Variants in TTC28 observed in about 807,000 individuals in gnomAD.
TTC28 encodes the protein tetratricopeptide repeat protein 28.
TTC28 carries 61 observed loss-of-function variants against 198.0 expected under a neutral mutation model. That is an observed-to-expected ratio of 0.31 (90% CI 0.25 to 0.38). The LOEUF (loss-of-function observed/expected upper bound fraction) is 0.38. Ranked by LOEUF, TTC28 falls within the 10% of genes least tolerant of loss-of-function variation. The probability of loss-of-function intolerance (pLI) is 1.00; values close to 1 mark genes in which losing one functional copy is unlikely to be tolerated. For synonymous variants in TTC28, 1,171 were observed against 1,297.8 expected (o/e 0.90, Z 2.10); for missense variants, 2,678 against 3,164.0 (o/e 0.85, Z 3.69).
rs532254894 is a variant in TTC28, at chr22:28,540,916, A to G, written c.381+88636T>C. 5.3e-5 allele frequency among the ~76,000 whole-genome samples: 8 copies of G among 152,338 alleles called. No individual in the cohort carries two copies. The South Asian group carries it at 1.7e-3, about 32-fold the overall frequency. On this transcript the variant is annotated intron_variant, in intron 2 of 22. Coordinates refer to ENST00000397906, the MANE Select transcript of TTC28 (RefSeq NM_001145418.2). ...TTTCCAGATCCAGTCTTCACTCTTT[A>G]TATCAAATGGAATCATCTCACTCCT...
intron 16 of TTC28, chr22:27,997,468 T>C (rs1937572805): frequency 6.6e-6 from 1 of 152,242 alleles, no homozygotes; most frequent in African/African-American, 2.4e-5. Flanking sequence ...CCCCTGCAGC[T>C]GTGTTGACAG....
intron 2 of TTC28, among the ~76,000 whole-genome samples, chr22:28,570,624 T>C (rs1364598726): frequency 6.6e-6 from 1 of 152,114 alleles, no homozygotes; most frequent in Non-Finnish European, 1.5e-5. Flanking sequence ...GGTGATGAAA[T>C]AATCTGTAAA....
intron 2 of TTC28, among the ~76,000 whole-genome samples, chr22:28,604,865 G>A (rs935969127): frequency 9.9e-5 from 15 of 152,076 alleles, no homozygotes; most frequent in South Asian, 2.1e-4. Flanking sequence ...CCCACAAAGC[G>A]CCTATCTACA....
chr22:28,541,738 TAAG>T (rs2145933310), intron 2 of TTC28, among the ~76,000 whole-genome samples: 1 of 151,500 alleles, frequency 6.6e-6, no homozygotes, highest in African/African-American at 2.4e-5. Flanking sequence ...AAAGAAGACA[TAAG>T]AAAGAATGAA....
intron 6 of TTC28, among the ~76,000 whole-genome samples, chr22:28,127,106 T>C (rs1208210069): frequency 1.3e-5 from 2 of 152,182 alleles, no homozygotes; most frequent in Non-Finnish European, 2.9e-5. Flanking sequence ...GACATAACTA[T>C]AACCATTGCA....
intron 5 of TTC28, among the ~76,000 whole-genome samples, chr22:28,282,041 G>A (rs992659080): frequency 6.6e-6 from 1 of 151,950 alleles, no homozygotes; most frequent in East Asian, 1.9e-4. Context: ...TGAGGACTGG[G>A]GCCTACACTC....
intron 2 of TTC28, among the ~76,000 whole-genome samples, chr22:28,461,578 G>A (rs538206245): frequency 2.5e-4 from 38 of 152,006 alleles, no homozygotes; most frequent in Non-Finnish European, 4.4e-4. Context: ...CTGGGATTAC[G>A]GACACCTACC....
intron 5 of TTC28, among the ~76,000 whole-genome samples, chr22:28,210,624 A>T (rs1463586535): frequency 2.6e-5 from 4 of 152,136 alleles, no homozygotes; most frequent in Non-Finnish European, 5.9e-5. Context: ...AGCCTCCAAG[A>T]AATATGGGAC....
chr22:28,002,259 A>C (rs533465531), intron 14 of TTC28: 1 of 152,686 alleles, frequency 6.5e-6, no homozygotes, highest in East Asian at 1.9e-4. Flanking sequence ...AGCAGCAGGC[A>C]ACAATCCTGG....
intron 2 of TTC28, among the ~76,000 whole-genome samples, chr22:28,591,762 A>G (rs532202762): frequency 9.9e-5 from 15 of 152,150 alleles, no homozygotes; most frequent in Non-Finnish European, 2.2e-4. Context: ...ACTACAAACA[A>G]TATGACTCAA....
intron 3 of TTC28, among the ~76,000 whole-genome samples, chr22:28,304,148 G>T (rs1359415706): frequency 1.3e-5 from 2 of 152,084 alleles, no homozygotes; most frequent in Non-Finnish European, 2.9e-5. Flanking sequence ...AGCCAGACGT[G>T]GTGGCGGGCG....
At chr22:28,133,471 C>T (rs1227454301) in intron 6 of TTC28, among the ~76,000 whole-genome samples, 2 of 152,266 alleles carry the variant, frequency 1.3e-5, no homozygotes, top group South Asian at 2.1e-4. Flanking sequence ...CCAAGGGAAG[C>T]TGAGACAGAC....
intron 6 of TTC28, among the ~76,000 whole-genome samples, chr22:28,152,876 AC>A (rs1943643111): frequency 6.6e-6 from 1 of 152,334 alleles, no homozygotes; most frequent in African/African-American, 2.4e-5. Context: ...AATGTAAAAA[AC>A]ATTAAAGAGA....
intron 6 of TTC28, among the ~76,000 whole-genome samples, chr22:28,123,342 G>A (rs989291783): frequency 3.3e-5 from 5 of 151,852 alleles, no homozygotes; most frequent in Non-Finnish European, 5.9e-5. Flanking sequence ...TGCAACCTCC[G>A]CCTCCCGGGT....
At chr22:28,391,234 T>C (rs1371597797) in intron 2 of TTC28, among the ~76,000 whole-genome samples, 1 of 152,244 alleles carries the variant, frequency 6.6e-6, no homozygotes, top group African/African-American at 2.4e-5. Context: ...TGGGCTTCCC[T>C]TTGTGGGTAA....
chr22:28,207,748 G>A (rs1926550731), intron 5 of TTC28, among the ~76,000 whole-genome samples: 1 of 152,138 alleles, frequency 6.6e-6, no homozygotes, highest in African/African-American at 2.4e-5. Flanking sequence ...TCTCCTTCAG[G>A]GAGGATTTGG....
chr22:28,362,290 T>G (rs2046171384), intron 2 of TTC28, among the ~76,000 whole-genome samples: 1 of 152,092 alleles, frequency 6.6e-6, no homozygotes, highest in Non-Finnish European at 1.5e-5. Flanking sequence ...GGAGTTCCCC[T>G]GCACAAGTTC....
At chr22:28,438,235 A>G (rs2047553837) in intron 2 of TTC28, among the ~76,000 whole-genome samples, 2 of 152,234 alleles carry the variant, frequency 1.3e-5, no homozygotes, top group African/African-American at 4.8e-5. Flanking sequence ...AATTTAGTAT[A>G]GGCATATTAA....
intron 2 of TTC28, among the ~76,000 whole-genome samples, chr22:28,448,732 C>T (rs1261010950): frequency 6.6e-6 from 1 of 152,174 alleles, no homozygotes; most frequent in African/African-American, 2.4e-5. Flanking sequence ...TTCTGCCACA[C>T]AGCCCAGGTG....
Sources: gnomAD v4.1 joint callset for allele counts (sites outside exome capture counted in the v4.1 genomes callset) on GRCh38, gnomAD v4.1.1 for gene constraint, MANE v1.5 for transcripts, NCBI Gene and HGNC (gene_info 2026-07-23, HGNC 2026-07-21) for gene names.